Variants in TBX20 observed in about 807,000 individuals in gnomAD.
The protein encoded by TBX20 is T-box transcription factor 20.
In TBX20, 8 loss-of-function variants were observed where a neutral mutation model predicts 42.9. The ratio of observed to expected loss-of-function variants is 0.19; its 90% confidence interval spans 0.11 to 0.34. The LOEUF is 0.34. TBX20 is among the 10% of genes least tolerant of loss of function. The pLI is 1.00. For synonymous variants in TBX20, 198 were observed against 222.8 expected, an observed-to-expected ratio of 0.89 and a Z score of 0.99; for missense variants, 411 against 566.0, an observed-to-expected ratio of 0.73 and a Z score of 2.78.
intron 2 of TBX20, 93 bp from the exon 3 acceptor site, chr7:35,248,934 G>A (rs1452637782): frequency 8.0e-6 from 12 of 1,505,560 alleles, no homozygotes; most frequent in Non-Finnish European, 1.1e-5. Context: ...AGGGAAGGAG[G>A]GAAAGGGTCT....
At chr7:35,239,610 T>C (rs1790034796) in intron 5 of TBX20, among the ~76,000 whole-genome samples, 1 of 152,228 alleles carries the variant, frequency 6.6e-6, no homozygotes, top group African/African-American at 2.4e-5. Context: ...CACAGCCCCT[T>C]AAGCTTACGC....
chr7:35,228,939 C>T (rs921030316), intron 6 of TBX20, among the ~76,000 whole-genome samples: 3 of 152,136 alleles, frequency 2.0e-5, no homozygotes, highest in Non-Finnish European at 2.9e-5. Flanking sequence ...CAAAGTGAGA[C>T]ATTCAAGTAC....
At position 35,202,620 on chromosome 7, in the gene TBX20, C is replaced by T; in HGVS notation, c.1154G>A (p.Gly385Asp). Reference protein sequence around the residue: ...IATPIPHPIQGSLPPYSRLGM... With the variant: ...IATPIPHPIQDSLPPYSRLGM... ...CAGTCGGCTATATGGTGGCAGAGAA[C>T]CCTGGATGGGGTGAGGAATGGGTGT... The change falls in exon 8 of 8, where the codon GGT becomes GAT. Residue 385 changes from glycine (G) to aspartate (D), a missense_variant. Transcript: ENST00000408931. 6.2e-7 allele frequency: 1 copy of T among 1,613,876 alleles called. No individual in the cohort carries two copies. The highest frequency in any genetic ancestry group is 8.5e-7 in the Non-Finnish European group (1 of 1,179,874).
At chr7:35,245,128 C>G in intron 3 of TBX20, 71 bp from the exon 4 acceptor site, 1 of 1,164,272 alleles carries the variant, frequency 8.6e-7, no homozygotes, top group Non-Finnish European at 1.3e-6. Flanking sequence ...ATAAAATGTT[C>G]TAATTCTAAG....
chr7:35,206,779 T>C (rs915542913), intron 6 of TBX20, among the ~76,000 whole-genome samples: 7 of 152,258 alleles, frequency 4.6e-5, no homozygotes, highest in South Asian at 2.1e-4. Context: ...TTTACAAAGA[T>C]GAAATCTTAG....
intron 5 of TBX20, among the ~76,000 whole-genome samples, chr7:35,236,623 G>A (rs1483340228): frequency 1.3e-5 from 2 of 152,118 alleles, no homozygotes; most frequent in African/African-American, 4.8e-5. Context: ...TTGGTCTTAT[G>A]AGGTTCATAA....
intron 4 of TBX20, among the ~76,000 whole-genome samples, chr7:35,243,828 G>A (rs1416216636): frequency 5.9e-5 from 9 of 152,290 alleles, no homozygotes; most frequent in East Asian, 1.9e-4. Flanking sequence ...CAGTAGAGTC[G>A]TGAGTTAAGT....
chr7:35,238,956 CAT>C lies in TBX20; in HGVS notation c.813+1921_813+1922del, dbSNP rs1443074452. Among the ~76,000 whole-genome samples the C allele has an allele frequency of 5.3e-5, 8 of 152,128 alleles. No individual in the cohort carries two copies. The East Asian group carries it at 1.4e-3, about 26-fold the overall frequency. ...TTCTGAGACAGCCCCATCATAACCA[CAT>C]GTCTTATTTACAGAGCACCTTACAG... is the stretch of plus-strand genomic sequence containing the variant. On this transcript the variant is annotated intron_variant, in intron 5 of 7. Coordinates refer to ENST00000408931, the MANE Select transcript of TBX20 (RefSeq NM_001077653.2).
chr7:35,230,232 A>T (rs1789844660), intron 6 of TBX20, among the ~76,000 whole-genome samples: 1 of 152,194 alleles, frequency 6.6e-6, no homozygotes, highest in South Asian at 2.1e-4. Flanking sequence ...TGCCTTTTGC[A>T]AGTGGACTCC....
At position 35,231,495 on chromosome 7, in the gene TBX20, T is replaced by C. The variant is rs1394216643; in HGVS notation, c.890+9A>G. The C allele has an allele frequency of 7.5e-6, 12 of 1,606,110 alleles. No homozygotes were observed. The highest frequency in any genetic ancestry group is 9.4e-6 in the Non-Finnish European group (11 of 1,172,844). On this transcript the variant is annotated intron_variant, in intron 6 of 7. Transcript: ENST00000408931. ...CTGAACAAGAAAGTAAACAGAAAATTCTCATTACCTCTCAATGTCAGTGAG... is the reference window on the plus strand; with the variant it reads ...CTGAACAAGAAAGTAAACAGAAAATCCTCATTACCTCTCAATGTCAGTGAG...
chr7:35,221,219 T>C (rs1255272593), intron 6 of TBX20, among the ~76,000 whole-genome samples: 3 of 150,396 alleles, frequency 2.0e-5, no homozygotes, highest in Non-Finnish European at 3.0e-5. Flanking sequence ...AAATTATTCG[T>C]TGAGGGAGGA....
At chr7:35,212,083 C>T (rs191854411) in intron 6 of TBX20, among the ~76,000 whole-genome samples, 95 of 152,210 alleles carry the variant, frequency 6.2e-4, no homozygotes, top group African/African-American at 2.2e-3. Flanking sequence ...GAAATTTTCC[C>T]ACAACTGACA....
rs1161567784 is a variant in TBX20 at position 35,204,487 on chromosome 7, T to G, written c.986A>C (p.Gln329Pro). Reference sequence around the variant, plus strand: ...TACCTTACCTCGATTTGGGGTTGTCTGACTCTCATCCCCCAAGACATCTTC... The same window carrying G: ...TACCTTACCTCGATTTGGGGTTGTCGGACTCTCATCCCCCAAGACATCTTC... ...GEEDVLGDES[Q>P]TTPNRGSAFT... is the part of the protein sequence containing the mutation. Residue 329 changes from glutamine to proline, a missense_variant, in exon 7 of 8, where the codon CAG becomes CCG. Around this residue, in one of 5 missense-constraint regions of TBX20, gnomAD observed 162 missense variants for 205.4 expected, o/e 0.79. Coordinates refer to ENST00000408931, the MANE Select transcript of TBX20 (RefSeq NM_001077653.2). 1 of 1,613,122 alleles carries G rather than the reference T, an allele frequency of 6.2e-7. No individual in the cohort carries two copies. Among genetic ancestry groups the G allele is most frequent in the Admixed American group, 1.7e-5 (1 of 60,016 alleles).
rs545401143 is a variant in TBX20, at chr7:35,241,044, C to G, written c.655-7G>C. 2 of 1,613,578 alleles carry G rather than the reference C, an allele frequency of 1.2e-6. No individual in the cohort carries two copies. Among genetic ancestry groups the G allele is most frequent in the Admixed American group, 1.7e-5 (1 of 60,000 alleles). ...GCATTGAGTTCAAAATTATCTACAA[C>G]AAAAAGATGGGAAGTACTGAATTTT... On this transcript the variant is annotated splice_region_variant and splice_polypyrimidine_tract_variant and intron_variant, in intron 4 of 7. Transcript: ENST00000408931.
At chr7:35,212,260 T>C (rs1292083545) in intron 6 of TBX20, among the ~76,000 whole-genome samples, 1 of 152,216 alleles carries the variant, frequency 6.6e-6, no homozygotes, top group African/African-American at 2.4e-5. Flanking sequence ...ATCTTTAGAA[T>C]TGTGACTTTG....
At chr7:35,239,797 G>C (rs2128714478) in intron 5 of TBX20, among the ~76,000 whole-genome samples, 1 of 151,906 alleles carries the variant, frequency 6.6e-6, no homozygotes, top group East Asian at 1.9e-4. Flanking sequence ...TGTCACCCAG[G>C]CTGGAGTGCA....
chr7:35,244,276 C>A (rs1296768430), intron 4 of TBX20, among the ~76,000 whole-genome samples: 1 of 152,150 alleles, frequency 6.6e-6, no homozygotes, highest in Non-Finnish European at 1.5e-5. Context: ...GCATCATTGA[C>A]TATTTGTTCT....
Position 35,202,561 on chromosome 7 carries a change from A to G in TBX20, c.1213T>C (p.Ser405Pro), listed in dbSNP as rs1288598681. 3.1e-6 allele frequency: 5 copies of G among 1,613,982 alleles called. No individual in the cohort carries two copies. Among genetic ancestry groups the G allele is most frequent in the Non-Finnish European group, 4.2e-6 (5 of 1,180,020 alleles). Residue 405 changes from serine (S) to proline (P), a missense_variant, in exon 8 of 8, where the codon TCC (serine) becomes CCC (proline). By Grantham distance (74) the Ser-to-Pro change is moderately conservative. This residue lies in a region of TBX20 where 162 missense variants were observed against 205.4 expected (regional missense o/e 0.79). Transcript: ENST00000408931. ...MPLTPSAIASSMQGSGPTFPS... is the reference protein window; with the variant it reads ...MPLTPSAIASPMQGSGPTFPS... ...AATGTGGGGCCACTCCCTTGCATGGAGCTGGCAATGGCCGATGGTGTCAGA... is the reference window on the plus strand; with the variant it reads ...AATGTGGGGCCACTCCCTTGCATGGGGCTGGCAATGGCCGATGGTGTCAGA...
At chr7:35,246,864 C>T (rs1051462825) in intron 3 of TBX20, among the ~76,000 whole-genome samples, 5 of 151,958 alleles carry the variant, frequency 3.3e-5, no homozygotes, top group African/African-American at 4.8e-5. Context: ...ATAAGCTAAA[C>T]ATTTTTATTT....
Sources: gnomAD v4.1 joint callset for allele counts (sites outside exome capture counted in the v4.1 genomes callset) on GRCh38, gnomAD v4.1.1 for gene constraint, gnomAD v4.1.1 regional missense constraint, MANE v1.5 for transcripts, NCBI Gene and HGNC (gene_info 2026-07-23, HGNC 2026-07-21) for gene names.